MCM9: variants seen among roughly 807,000 people sequenced by gnomAD.
MCM9 encodes DNA helicase MCM9.
Under a neutral mutation model 72.8 loss-of-function variants are expected in MCM9, and 55 were observed. The ratio of observed to expected loss-of-function variants is 0.76; its 90% CI spans 0.61 to 0.95. The LOEUF is 0.95. MCM9 is among the 40% of genes least tolerant of loss of function. MCM9 has a pLI of 0.00. For missense variants in MCM9, 1,279 were observed against 1,377.0 expected (o/e 0.93, Z 1.13); for synonymous variants, 480 against 503.4 (o/e 0.95, Z 0.62).
In MCM9 at chr6:118,922,073, G is replaced by C. The variant is rs141704109; in HGVS notation, c.635C>G (p.Ser212Cys). 105 of 1,612,218 alleles carry C rather than the reference G, an allele frequency of 6.5e-5. No homozygotes were observed. The highest frequency in any genetic ancestry group is 8.1e-5 in the Non-Finnish European group (95 of 1,179,102). Residue 212 changes from serine to cysteine, a missense_variant, in exon 5 of 14, where the codon TCT becomes TGT. Transcript: ENST00000619706. Reference sequence around the variant, plus strand: ...CATAGATCGTGGAATACTTCCAACAGATAGCCTTTGAACCTAGCAAAGAAA... The same window carrying C: ...CATAGATCGTGGAATACTTCCAACACATAGCCTTTGAACCTAGCAAAGAAA... Reference protein sequence around the residue: ...IKIQEQVQRLSVGSIPRSMKV... With the variant: ...IKIQEQVQRLCVGSIPRSMKV...
intron 13 of MCM9, among the ~76,000 whole-genome samples, chr6:118,823,873 A>AT (rs1773983008): frequency 6.6e-6 from 1 of 151,728 alleles, no homozygotes; most frequent in African/African-American, 2.4e-5. Flanking sequence ...ACTACATGTG[A>AT]TTTTTTTGTT....
chr6:118,910,256 T>C (rs911657626), intron 8 of MCM9, among the ~76,000 whole-genome samples: 1 of 152,148 alleles, frequency 6.6e-6, no homozygotes, highest in African/African-American at 2.4e-5. Context: ...AGTGCTGGTT[T>C]TGACCCACTG....
intron 9 of MCM9, among the ~76,000 whole-genome samples, chr6:118,852,407 A>C (rs1583435443): frequency 7.1e-6 from 1 of 141,756 alleles, no homozygotes; most frequent in Admixed American, 7.1e-5. Context: ...TCCAACAGAC[A>C]AAAAAAAAAA....
intron 9 of MCM9, among the ~76,000 whole-genome samples, chr6:118,835,731 C>A (rs1774910361): frequency 6.6e-6 from 1 of 152,172 alleles, no homozygotes; most frequent in African/African-American, 2.4e-5. Flanking sequence ...AGTTGCTTAT[C>A]AGTTTAAGGA....
At chr6:118,878,300 T>C (rs1006961307) in intron 8 of MCM9, among the ~76,000 whole-genome samples, 2 of 151,944 alleles carry the variant, frequency 1.3e-5, no homozygotes, top group African/African-American at 4.8e-5. Context: ...AAAAACAAAT[T>C]AATGCTAATA....
intron 3 of MCM9, among the ~76,000 whole-genome samples, chr6:118,924,863 GT>G (rs1781750199): frequency 6.6e-6 from 1 of 152,146 alleles, no homozygotes; most frequent in African/African-American, 2.4e-5. Context: ...GGGCAACATA[GT>G]GGGACCCCAT....
chr6:118,893,833 A>G (rs2114471400), intron 8 of MCM9, among the ~76,000 whole-genome samples: 1 of 83,380 alleles, frequency 1.2e-5, no homozygotes, highest in African/African-American at 3.8e-5. Flanking sequence ...TTAAATCAAA[A>G]AACCAAAAAA....
intron 9 of MCM9, among the ~76,000 whole-genome samples, chr6:118,853,651 A>T (rs1297533720): frequency 1.3e-5 from 2 of 152,156 alleles, no homozygotes; most frequent in African/African-American, 2.4e-5. Flanking sequence ...AATAAAATTT[A>T]AAAAATAGCC....
intron 8 of MCM9, among the ~76,000 whole-genome samples, chr6:118,869,350 G>A (rs1279884085): frequency 6.6e-6 from 1 of 151,994 alleles, no homozygotes; most frequent in Non-Finnish European, 1.5e-5. Context: ...CATGGTACAT[G>A]TATACCTATG....
intron 9 of MCM9, among the ~76,000 whole-genome samples, chr6:118,842,478 A>T (rs1395462192): frequency 6.6e-6 from 1 of 152,190 alleles, no homozygotes; most frequent in East Asian, 1.9e-4. Context: ...AGGCACAGGC[A>T]CTGATTTGCA....
chr6:118,866,655 G>C (rs1034552971), intron 8 of MCM9, among the ~76,000 whole-genome samples: 23 of 152,096 alleles, frequency 1.5e-4, no homozygotes, highest in Admixed American at 1.2e-3. Flanking sequence ...AAAAAGAAAA[G>C]AAAAAGTGAA....
intron 8 of MCM9, among the ~76,000 whole-genome samples, chr6:118,897,809 T>A (rs1779531973): frequency 6.6e-6 from 1 of 151,668 alleles, no homozygotes; most frequent in Non-Finnish European, 1.5e-5. Flanking sequence ...GGCAGAGGAA[T>A]TAAATGAAAG....
At position 118,933,032 on chromosome 6, in the gene MCM9, A is replaced by G. The variant is rs576100140; in HGVS notation, c.-149-292T>C. Reference sequence around the variant, plus strand: ...ATGCTGGCAAATGAAAAGTATAGTAAAAGGTTCTCTATGTCCTCAGAAATC... The same window carrying G: ...ATGCTGGCAAATGAAAAGTATAGTAGAAGGTTCTCTATGTCCTCAGAAATC... On this transcript the variant is annotated intron_variant, in intron 1 of 13. Transcript: ENST00000619706. Among the ~76,000 whole-genome samples, 3 of 152,316 alleles carry G rather than the reference A, an allele frequency of 2.0e-5. No individual in the cohort carries two copies. The South Asian group carries it at 6.2e-4, about 32-fold the overall frequency.
At chr6:118,827,157 C>T (rs949434471) in intron 11 of MCM9, among the ~76,000 whole-genome samples, 13 of 152,226 alleles carry the variant, frequency 8.5e-5, no homozygotes, top group African/African-American at 2.9e-4. Flanking sequence ...CAACTTTAGT[C>T]CTCATTTTCT....
At chr6:118,825,417 A>AT (rs201873647) in intron 13 of MCM9, among the ~76,000 whole-genome samples, 352 of 151,714 alleles carry the variant, frequency 2.3e-3, no homozygotes, top group African/African-American at 8.0e-3. Flanking sequence ...ATTCTCAAGG[A>AT]TTTTTTTTTA....
chr6:118,870,191 T>G (rs142061568), intron 8 of MCM9, among the ~76,000 whole-genome samples: 1 of 152,164 alleles, frequency 6.6e-6, no homozygotes, highest in Non-Finnish European at 1.5e-5. Flanking sequence ...TCAACAGCAG[T>G]AGAATACACA....
chr6:118,846,618 G>C (rs1267699755), intron 9 of MCM9, among the ~76,000 whole-genome samples: 3 of 151,822 alleles, frequency 2.0e-5, no homozygotes, highest in Non-Finnish European at 2.9e-5. Context: ...CAAGGGGCAA[G>C]AGTCGCCTGG....
intron 9 of MCM9, among the ~76,000 whole-genome samples, chr6:118,848,630 TA>T (rs1345786604): frequency 6.7e-6 from 1 of 150,182 alleles, no homozygotes; most frequent in East Asian, 1.9e-4. Context: ...CCCTAACCTA[TA>T]ATAAAAATGC....
rs1777946509 is a variant in MCM9 at position 118,876,609 on chromosome 6, A to G, written c.1151-20064T>C. On this transcript the variant is annotated intron_variant, in intron 8 of 13. Transcript: ENST00000619706. ...CCTGAGTTGGGCAAAGATTTCTTAC[A>G]TATGACATCAAAGGCACAGTACTCA... 2.0e-5 allele frequency among the ~76,000 whole-genome samples: 3 copies of G among 152,234 alleles called. No homozygotes were observed. In the South Asian group the frequency reaches 6.2e-4, roughly 31 times the overall value.
Sources: allele counts gnomAD v4.1 joint callset (sites outside exome capture counted in the v4.1 genomes callset), GRCh38; gene constraint gnomAD v4.1.1; transcripts MANE v1.5; gene names NCBI Gene and HGNC (gene_info 2026-07-23, HGNC 2026-07-21).